USP26: variants seen among roughly 807,000 people sequenced by gnomAD.
USP26 encodes ubiquitin specific peptidase 26.
For missense variants in USP26, 649 were observed against 642.3 expected, an observed-to-expected ratio of 1.01 and a Z score of -0.11; for synonymous variants, 236 against 240.6, an observed-to-expected ratio of 0.98 and a Z score of 0.18.
At position 133,047,388 on chromosome X, in the gene USP26, A is replaced by G. The variant is rs143739976; in HGVS notation, c.-76-19092T>C. On this transcript the variant is annotated intron_variant, in intron 5 of 5. Coordinates refer to ENST00000511190, the MANE Select transcript of USP26 (RefSeq NM_031907.3). Reference sequence around the variant, plus strand: ...TGAAGTACTTGGAGAGCAGCAGGGCATATATATTTCTTCTAGTACATAGGT... The same window carrying G: ...TGAAGTACTTGGAGAGCAGCAGGGCGTATATATTTCTTCTAGTACATAGGT... Among the ~76,000 whole-genome samples, 1,103 of 112,267 alleles carry G rather than the reference A, an allele frequency of 9.8e-3. 25 individuals carry two copies. In the East Asian group the frequency reaches 0.1, roughly 10 times the overall value.
At chrX:133,059,066 G>A (rs937565460) in intron 5 of USP26, among the ~76,000 whole-genome samples, 6 of 110,692 alleles carry the variant, frequency 5.4e-5, no homozygotes, top group Admixed American at 9.6e-5. Context: ...CACCTGCCTC[G>A]GCCTCCCAAA....
intron 5 of USP26, among the ~76,000 whole-genome samples, chrX:133,057,867 T>TATATATATATATATATATA (rs1491099712): frequency 3.4e-3 from 28 of 8,211 alleles, no homozygotes; most frequent in Non-Finnish European, 4.1e-3. Flanking sequence ...TATATATATA[T>TATATATATATATATATATA]TTTTTTTTTT....
chrX:133,031,962 C>T (rs147289994), intron 5 of USP26, among the ~76,000 whole-genome samples: 514 of 111,177 alleles, frequency 4.6e-3, no homozygotes, highest in Non-Finnish European at 8.1e-3. Flanking sequence ...GCCTGGTCAA[C>T]ATGGCGAAAT....
intron 5 of USP26, among the ~76,000 whole-genome samples, chrX:133,076,661 T>C (rs2067549606): frequency 8.9e-6 from 1 of 112,145 alleles, no homozygotes; most frequent in Non-Finnish European, 1.9e-5. Context: ...TGAAAGAAAC[T>C]AGCTGCCATG....
rs868561380 is a variant in USP26 at position 133,097,050 on chromosome X, G to T, written c.-413C>A. The T allele has an allele frequency of 6.2e-5, 7 of 112,615 alleles. No individual in the cohort carries two copies. The highest frequency in any genetic ancestry group is 4.7e-3 in the Middle Eastern group (1 of 215). The allele number at this position is 112,615 out of a possible 1,213,427, so 9.3% of individuals were successfully genotyped here. On this transcript the variant is annotated 5_prime_UTR_variant, in exon 1 of 6. Coordinates refer to ENST00000511190, the MANE Select transcript of USP26 (RefSeq NM_031907.3). ...CTTACAATAGTTTGTGGAAGAAGTCGACACCCCTGACACACCAACGCTCCA... is the reference window on the plus strand; with the variant it reads ...CTTACAATAGTTTGTGGAAGAAGTCTACACCCCTGACACACCAACGCTCCA...
chrX:133,051,524 C>T (rs954743165), intron 5 of USP26, among the ~76,000 whole-genome samples: 3 of 111,871 alleles, frequency 2.7e-5, no homozygotes, highest in African/African-American at 9.7e-5. Flanking sequence ...CCAGGACCAC[C>T]GGATATGGAA....
chrX:133,080,974 G>A lies in USP26; in HGVS notation c.-77+2733C>T, dbSNP rs182759686. On this transcript the variant is annotated intron_variant, in intron 5 of 5. Coordinates refer to ENST00000511190, the MANE Select transcript of USP26 (RefSeq NM_031907.3). The stretch of plus-strand genomic sequence containing the variant: ...TATAAGAAGGGAAAGGTTCTCAGAC[G>A]GTGATACCCTTACAAATGGGATGAT... 3.6e-5 allele frequency among the ~76,000 whole-genome samples: 4 copies of A among 111,077 alleles called. No homozygotes were observed. In the East Asian group the frequency reaches 8.6e-4, roughly 24 times the overall value.
intron 5 of USP26, among the ~76,000 whole-genome samples, chrX:133,066,059 C>T (rs1962978997): frequency 9.0e-6 from 1 of 111,488 alleles, no homozygotes; most frequent in Admixed American, 9.6e-5. Context: ...GCAAAAATCA[C>T]AAGCATTCCT....
At chrX:133,095,902 G>A (rs754439889) in intron 1 of USP26, among the ~76,000 whole-genome samples, 155 of 110,443 alleles carry the variant, frequency 1.4e-3, no homozygotes, top group Non-Finnish European at 2.3e-3. Flanking sequence ...ATATCACCAC[G>A]CCTGGCTGAT....
At chrX:133,034,336 T>G (rs1440060172) in intron 5 of USP26, among the ~76,000 whole-genome samples, 2 of 111,380 alleles carry the variant, frequency 1.8e-5, no homozygotes, top group African/African-American at 6.5e-5. Flanking sequence ...TCTAAAGTTT[T>G]AAAATAAGGG....
chrX:133,054,558 G>A (rs770368577), intron 5 of USP26, among the ~76,000 whole-genome samples: 21 of 111,268 alleles, frequency 1.9e-4, no homozygotes, highest in Non-Finnish European at 3.0e-4. Flanking sequence ...TTAACAATTC[G>A]CTGGAATGCA....
chrX:133,058,041 C>T (rs1429364260), intron 5 of USP26, among the ~76,000 whole-genome samples: 1 of 100,491 alleles, frequency 1.0e-5, no homozygotes, highest in African/African-American at 3.6e-5. Flanking sequence ...CCATGCCTGG[C>T]TAATTTTTTG....
intron 1 of USP26, among the ~76,000 whole-genome samples, chrX:133,094,725 T>C (rs1413827641): frequency 8.9e-6 from 1 of 112,003 alleles, no homozygotes; most frequent in African/African-American, 3.2e-5. Flanking sequence ...TGGCTGGTGA[T>C]TGGCACTTGT....
intron 5 of USP26, among the ~76,000 whole-genome samples, chrX:133,066,486 A>G (rs1433991287): frequency 8.9e-6 from 1 of 111,804 alleles, no homozygotes. Flanking sequence ...CTACAAGGCT[A>G]CAGTAACCCA....
intron 5 of USP26, among the ~76,000 whole-genome samples, chrX:133,082,050 T>C (rs1416085620): frequency 8.9e-6 from 1 of 111,915 alleles, no homozygotes; most frequent in Non-Finnish European, 1.9e-5. Flanking sequence ...AGACCTGTGA[T>C]ATCCCTTGGG....
chrX:133,023,986 C>T lies in USP26; in HGVS notation c.*1493G>A, dbSNP rs1183159418. ...CTTAGTACAAGTCATTTGTTCACAG[C>T]AAAGGCACAAAGTACAACAGATTCA... On this transcript the variant is annotated 3_prime_UTR_variant, in exon 6 of 6. Coordinates refer to ENST00000511190, the MANE Select transcript of USP26 (RefSeq NM_031907.3). Among the ~76,000 whole-genome samples the T allele has an allele frequency of 1.8e-5, 2 of 111,873 alleles. No individual in the cohort carries two copies. The highest frequency in any genetic ancestry group is 3.8e-5 in the Non-Finnish European group (2 of 53,205).
intron 1 of USP26, among the ~76,000 whole-genome samples, chrX:133,095,287 T>C (rs2067625479): frequency 9.0e-6 from 1 of 111,216 alleles, no homozygotes; most frequent in African/African-American, 3.3e-5. Context: ...TAACACAGAA[T>C]TCCTCTGTAA....
Position 133,026,103 on chromosome X carries a change from C to T in USP26, c.2118G>A (p.Lys706=). The T allele has an allele frequency of 3.3e-6, 4 of 1,210,912 alleles. No homozygotes were observed. The highest frequency in any genetic ancestry group is 3.4e-6 in the Non-Finnish European group (3 of 895,176). Residue 706 remains lysine, a synonymous_variant, in exon 6 of 6, where the codon AAG becomes AAA. Transcript: ENST00000511190. ...PKRKKYVKTS[K]FVAFDRIINP... is the part of the protein sequence containing the mutation. ...TGATAATCCTATCAAAAGCTACAAA[C>T]TTACTGGTTTTCACATATTTCTTTC...
Position 133,028,208 on chromosome X carries a change from ATAGG to A in USP26, c.9_12del (p.Leu4SerfsTer8). 8.3e-7 allele frequency: 1 copy of A among 1,209,319 alleles called. No individual in the cohort carries two copies. The highest frequency in any genetic ancestry group is 1.8e-5 in the South Asian group (1 of 56,905). On this transcript the variant is annotated frameshift_variant, in exon 6 of 6. Transcript: ENST00000511190. LOFTEE classifies it low-confidence loss of function (END_TRUNC). ...CCTATTTGGACAAAACCACGTAGGA[ATAGG>A]GCAGCCATGTTTTCTTTACAAATAA... is the stretch of plus-strand genomic sequence containing the variant.
Sources: gnomAD v4.1 joint callset for allele counts (sites outside exome capture counted in the v4.1 genomes callset) on GRCh38, gnomAD v4.1.1 for gene constraint, MANE v1.5 for transcripts, NCBI Gene and HGNC (gene_info 2026-07-23, HGNC 2026-07-21) for gene names.